Variants in NMNAT3 observed in about 807,000 individuals in gnomAD.
The protein encoded by NMNAT3 is nicotinamide nucleotide adenylyltransferase 3, also known as nicotinamide/nicotinic acid mononucleotide adenylyltransferase 3.
In NMNAT3, 21 loss-of-function variants were observed where a neutral mutation model predicts 24.8. The ratio of observed to expected loss-of-function variants is 0.85; its 90% CI spans 0.60 to 1.22. The LOEUF is 1.22. Ranked by LOEUF, NMNAT3 falls within the 50% of genes most tolerant of loss-of-function variation. The probability of loss-of-function intolerance (pLI) is 0.00; values close to 1 mark genes in which losing one functional copy is unlikely to be tolerated. For missense variants in NMNAT3, 387 were observed against 436.6 expected, an observed-to-expected ratio of 0.89 and a Z score of 1.01; for synonymous variants, 136 against 155.2, an observed-to-expected ratio of 0.88 and a Z score of 0.92.
At chr3:139,677,683 G>A (rs1240375764) in intron 1 of NMNAT3, 22 bp downstream of exon 1, 2 of 152,240 alleles carry the variant, frequency 1.3e-5, no homozygotes, top group East Asian at 1.9e-4. Flanking sequence ...GTGGGCTGAC[G>A]AGGGGCCCAC....
intron 3 of NMNAT3, among the ~76,000 whole-genome samples, chr3:139,614,343 T>C (rs2055381643): frequency 6.6e-6 from 1 of 152,208 alleles, no homozygotes; most frequent in Non-Finnish European, 1.5e-5. Context: ...TTCCCTACTT[T>C]CTGCTAGTCT....
intron 2 of NMNAT3, chr3:139,637,326 T>G (rs2056539007): frequency 6.6e-6 from 1 of 152,202 alleles, no homozygotes; most frequent in Non-Finnish European, 1.5e-5. Context: ...ATGCAGTTAG[T>G]AGCAATAGTA....
At chr3:139,592,006 CA>C (rs1306194514) in intron 3 of NMNAT3, among the ~76,000 whole-genome samples, 3 of 152,106 alleles carry the variant, frequency 2.0e-5, no homozygotes, top group African/African-American at 7.2e-5. Context: ...AGGCTTCAGA[CA>C]ATCAAATTAC....
intron 3 of NMNAT3, among the ~76,000 whole-genome samples, chr3:139,588,516 A>T (rs1347085688): frequency 6.6e-6 from 1 of 152,180 alleles, no homozygotes; most frequent in Non-Finnish European, 1.5e-5. Flanking sequence ...ATAAAAATTG[A>T]TAATAAACCA....
intron 1 of NMNAT3, among the ~76,000 whole-genome samples, chr3:139,665,834 G>A (rs1208279389): frequency 6.6e-6 from 1 of 151,544 alleles, no homozygotes; most frequent in South Asian, 2.1e-4. Flanking sequence ...CAGAGAGTAT[G>A]AAATATTGTT....
intron 2 of NMNAT3, among the ~76,000 whole-genome samples, chr3:139,632,939 G>A (rs2056355591): frequency 6.6e-6 from 1 of 152,118 alleles, no homozygotes; most frequent in Admixed American, 6.6e-5. Context: ...TTATCATGAA[G>A]GCCCCCATAA....
chr3:139,592,009 T>C (rs2054214679), intron 3 of NMNAT3, among the ~76,000 whole-genome samples: 1 of 152,042 alleles, frequency 6.6e-6, no homozygotes, highest in African/African-American at 2.4e-5. Context: ...CTTCAGACAA[T>C]CAAATTACTC....
chr3:139,591,723 A>T (rs907352729), intron 3 of NMNAT3, among the ~76,000 whole-genome samples: 1 of 152,150 alleles, frequency 6.6e-6, no homozygotes, highest in Non-Finnish European at 1.5e-5. Flanking sequence ...ACACCTCACA[A>T]GGCCGGGTAC....
chr3:139,675,392 C>T (rs1323355377), intron 1 of NMNAT3, among the ~76,000 whole-genome samples: 2 of 145,914 alleles, frequency 1.4e-5, no homozygotes. Context: ...AACCCCCACT[C>T]AGCCATCAGT....
intron 3 of NMNAT3, among the ~76,000 whole-genome samples, chr3:139,605,904 G>C (rs544243044): frequency 1.5e-5 from 1 of 67,282 alleles, no homozygotes; most frequent in Non-Finnish European, 2.9e-5. Flanking sequence ...TATTATTTTG[G>C]CTTCATGTGA....
rs751087307 is a variant in NMNAT3 at position 139,561,346 on chromosome 3, G to A, written c.705C>T (p.Thr235=). ...CCTTCCAGAGGTTGGGGGTCTGGAA[G>A]GTCTTCAAGACGTCTGCCCCACAGA... Residue 235 remains threonine, a synonymous_variant, in exon 7 of 7, where the codon ACC becomes ACT. Coordinates refer to ENST00000643695, the MANE Select transcript of NMNAT3 (RefSeq NM_001320510.2). The A allele has an allele frequency of 6.2e-7, 1 of 1,614,036 alleles. No homozygotes were observed. Among genetic ancestry groups the A allele is most frequent in the Admixed American group, 1.7e-5 (1 of 60,020 alleles).
At chr3:139,598,490 A>T (rs1331058856) in intron 3 of NMNAT3, among the ~76,000 whole-genome samples, 1 of 152,166 alleles carries the variant, frequency 6.6e-6, no homozygotes, top group Non-Finnish European at 1.5e-5. Flanking sequence ...GTGTGGCCAC[A>T]TGCATGTGCT....
intron 3 of NMNAT3, among the ~76,000 whole-genome samples, chr3:139,623,872 C>G (rs569476061): frequency 6.6e-6 from 1 of 152,132 alleles, no homozygotes; most frequent in South Asian, 2.1e-4. Context: ...CCACCATGCC[C>G]GGCCTATGCT....
chr3:139,584,052 G>C (rs1161831367), intron 3 of NMNAT3: 3 of 158,946 alleles, frequency 1.9e-5, no homozygotes, highest in Non-Finnish European at 4.1e-5. Flanking sequence ...TGGCATATTA[G>C]TTTTCTCTAC....
At chr3:139,593,282 G>A (rs2108179876) in intron 3 of NMNAT3, among the ~76,000 whole-genome samples, 1 of 152,260 alleles carries the variant, frequency 6.6e-6, no homozygotes, top group East Asian at 1.9e-4. Context: ...AAATATGTAT[G>A]CACCCAATAC....
chr3:139,607,533 G>A (rs575324307), intron 3 of NMNAT3, among the ~76,000 whole-genome samples: 2 of 152,236 alleles, frequency 1.3e-5, no homozygotes, highest in South Asian at 4.1e-4. Flanking sequence ...ATATTACTGA[G>A]GTTATTTTCT....
chr3:139,665,310 C>T lies in NMNAT3; in HGVS notation c.-141+12395G>A, dbSNP rs116075828. 3.9e-3 allele frequency among the ~76,000 whole-genome samples: 590 copies of T among 152,272 alleles called. 5 individuals carry two copies. Among genetic ancestry groups the T allele is most frequent in the African/African-American group, 0.014 (566 of 41,544 alleles). On this transcript the variant is annotated intron_variant, in intron 1 of 6. Transcript: ENST00000643695. Reference sequence around the variant, plus strand: ...CAGTTACAGATGCAATAAGAGGAGGCGAAACACAGGCCCCTGAGACACCTG... The same window carrying T: ...CAGTTACAGATGCAATAAGAGGAGGTGAAACACAGGCCCCTGAGACACCTG...
chr3:139,646,231 A>G (rs1413061597), intron 1 of NMNAT3, among the ~76,000 whole-genome samples: 3 of 152,186 alleles, frequency 2.0e-5, no homozygotes, highest in East Asian at 3.8e-4. Context: ...AAGCACCACT[A>G]TGTTTCCTTT....
chr3:139,561,285 A>G lies in NMNAT3; in HGVS notation c.766T>C (p.Leu256=), dbSNP rs534841644. The change falls in exon 7 of 7, where the codon TTG becomes CTG. Residue 256 remains leucine, a synonymous_variant. Coordinates refer to ENST00000643695, the MANE Select transcript of NMNAT3 (RefSeq NM_001320510.2). ...TGACCTACTCGGCCCACGCACACCAAGCCAAACTTCTCCACTATTTCCTGG... is the reference window on the plus strand; with the variant it reads ...TGACCTACTCGGCCCACGCACACCAGGCCAAACTTCTCCACTATTTCCTGG... 3 of 1,614,054 alleles carry G rather than the reference A, an allele frequency of 1.9e-6. No individual in the cohort carries two copies. In the East Asian group the frequency reaches 6.7e-5, roughly 36 times the overall value.
Sources: allele counts gnomAD v4.1 joint callset (sites outside exome capture counted in the v4.1 genomes callset), GRCh38; gene constraint gnomAD v4.1.1; transcripts MANE v1.5; gene names NCBI Gene and HGNC (gene_info 2026-07-23, HGNC 2026-07-21).